TWF1: variants seen among roughly 807,000 people sequenced by gnomAD.
TWF1 encodes twinfilin actin binding protein 1.
A neutral mutation model predicts 47.9 loss-of-function variants in TWF1; 14 were observed. The observed-to-expected ratio is 0.29, with a 90% confidence interval of 0.19 to 0.46. The LOEUF (loss-of-function observed/expected upper bound fraction) is 0.46, where lower values mean the gene tolerates loss of function less well. Among genes scored for constraint, TWF1 ranks in the 20% least tolerant of loss-of-function variants. The pLI, the probability that TWF1 is intolerant of heterozygous loss-of-function variation, is 1.00. For synonymous variants in TWF1, 96 were observed against 139.2 expected (o/e 0.69, Z 2.18); for missense variants, 281 against 409.3 (o/e 0.69, Z 2.70).
intron 2 of TWF1, among the ~76,000 whole-genome samples, chr12:43,803,325 T>C (rs928972561): frequency 1.3e-5 from 2 of 152,126 alleles, no homozygotes; most frequent in Admixed American, 6.5e-5. Context: ...GAACTCCCAA[T>C]TGTAGTTGCC....
chr12:43,797,076 C>G lies in TWF1; in HGVS notation c.782G>C (p.Gly261Ala), dbSNP rs749682782. 1.3e-6 allele frequency: 2 copies of G among 1,599,556 alleles called. No individual in the cohort carries two copies. Among genetic ancestry groups the G allele is most frequent in the East Asian group, 4.5e-5 (2 of 44,728 alleles). The change falls in exon 8 of 9, where the codon GGA becomes GCA. Residue 261 changes from glycine (G) to alanine (A), a missense_variant. By Grantham distance (60) the Gly-to-Ala change is moderately conservative (BLOSUM62 0). Coordinates refer to ENST00000395510, the MANE Select transcript of TWF1 (RefSeq NM_002822.5). ...CCGCTCTCTTATACTGCATGTGTAT[C>G]CAGGCATTGAATAAATAAAAACTGT... ...ESIVFIYSMP[G>A]YTCSIRERML...
intron 2 of TWF1, among the ~76,000 whole-genome samples, chr12:43,803,450 A>C (rs1942699359): frequency 1.3e-5 from 2 of 152,156 alleles, no homozygotes; most frequent in Non-Finnish European, 1.5e-5. Context: ...GCAGTTATTA[A>C]TAAAGGGGAG....
chr12:43,805,902 G>A, intron 1 of TWF1: 1 of 1,482,086 alleles, frequency 6.7e-7, no homozygotes, highest in Non-Finnish European at 9.0e-7. Flanking sequence ...GACCAAAAGG[G>A]GGAAAGTTGG....
Position 43,794,157 on chromosome 12 carries a change from G to A in TWF1, c.*1428C>T, listed in dbSNP as rs1164575620. On this transcript the variant is annotated 3_prime_UTR_variant, in exon 9 of 9. Coordinates refer to ENST00000395510, the MANE Select transcript of TWF1 (RefSeq NM_002822.5). ...CAATAATTTGGGTGTATGTGTGTCTGTCTACGTGTACACCCATGGAACAAC... is the reference window on the plus strand; with the variant it reads ...CAATAATTTGGGTGTATGTGTGTCTATCTACGTGTACACCCATGGAACAAC... 6.6e-6 allele frequency: 1 copy of A among 152,566 alleles called. No individual in the cohort carries two copies. Among genetic ancestry groups the A allele is most frequent in the Non-Finnish European group, 1.5e-5 (1 of 68,016 alleles). The allele number at this position is 152,566 out of a possible 1,614,324, so 9.5% of individuals were successfully genotyped here.
chr12:43,805,987 C>G, intron 1 of TWF1: 1 of 1,537,514 alleles, frequency 6.5e-7, no homozygotes, highest in Non-Finnish European at 8.7e-7. Flanking sequence ...TTCGCTCCCC[C>G]GAATTTCGGA....
intron 8 of TWF1, 129 bp downstream of exon 8, chr12:43,796,847 T>G (rs2138128746): frequency 1.0e-6 from 1 of 980,246 alleles, no homozygotes; most frequent in Non-Finnish European, 1.5e-6. Flanking sequence ...TTAGAGGAGA[T>G]CCTAAGGATT....
In TWF1 at chr12:43,802,459, G is replaced by A; in HGVS notation, c.109C>T (p.Leu37Phe). The A allele has an allele frequency of 6.2e-7, 1 of 1,601,460 alleles. No individual in the cohort carries two copies. Among genetic ancestry groups the A allele is most frequent in the Non-Finnish European group, 8.5e-7 (1 of 1,175,858 alleles). The change falls in exon 3 of 9, where the codon CTT becomes TTT. Residue 37 changes from leucine to phenylalanine, a missense_variant. By Grantham distance (22) the Leu-to-Phe change is conservative (BLOSUM62 0). Transcript: ENST00000395510. ...LLKISIENEQ[L>F]VIGSYSQPSD... ...GGCTGACTATATGATCCAATCACAA[G>A]TTGCTCTATGAAAAATTATTTTTAG...
chr12:43,798,717 T>G, intron 5 of TWF1: 1 of 1,016,330 alleles, frequency 9.8e-7, no homozygotes, highest in East Asian at 2.7e-5. Flanking sequence ...TTAAATGATA[T>G]TCAACCATTC....
At chr12:43,805,887 T>A in intron 1 of TWF1, 1 of 1,457,550 alleles carries the variant, frequency 6.9e-7, no homozygotes, top group Non-Finnish European at 9.2e-7. Flanking sequence ...AGCTCTTCCC[T>A]ACGTGACCAA....
chr12:43,799,433 C>A lies in TWF1; in HGVS notation c.448G>T (p.Ala150Ser). Residue 150 changes from alanine to serine, a missense_variant, in exon 5 of 9, where the codon GCT (alanine) becomes TCT (serine). Ala to Ser is a moderately conservative substitution (Grantham distance 99). Coordinates refer to ENST00000395510, the MANE Select transcript of TWF1 (RefSeq NM_002822.5). ...SQSSPAPLTA[A>S]EEELRQIKIN... Reference sequence around the variant, plus strand: ...TTAATCTGTCGTAGTTCTTCCTCAGCTGCAGTCAGTGGGGCAGGGGAAGAT... The same window carrying A: ...TTAATCTGTCGTAGTTCTTCCTCAGATGCAGTCAGTGGGGCAGGGGAAGAT... 6.2e-7 allele frequency: 1 copy of A among 1,610,018 alleles called. No homozygotes were observed. The highest frequency in any genetic ancestry group is 1.7e-5 in the Admixed American group (1 of 59,830).
chr12:43,798,423 T>C (rs1942595449), intron 5 of TWF1: 3 of 694,778 alleles, frequency 4.3e-6, no homozygotes, highest in Non-Finnish European at 6.5e-6. Flanking sequence ...ACTTGATAAA[T>C]GATAGCTAGT....
rs1942721987 is a variant in TWF1, at chr12:43,804,541, T to C, written c.57A>G (p.Arg19=). The C allele has an allele frequency of 6.2e-7, 1 of 1,603,886 alleles. No individual in the cohort carries two copies. The highest frequency in any genetic ancestry group is 8.5e-7 in the Non-Finnish European group (1 of 1,176,394). The stretch of plus-strand genomic sequence containing the variant: ...GAAGTCTGTACTTTCCATTTCTGGC[T>C]CTGGCAAAGATCTCTTTAACATCTT... ...ASEDVKEIFA[R]ARNGKYRLLK... The change falls in exon 2 of 9, where the codon AGA becomes AGG. Residue 19 remains arginine (R), a synonymous_variant. Transcript: ENST00000395510.
rs1942771436 is a variant in TWF1, at chr12:43,806,273, G to A, written c.-28C>T. The A allele has an allele frequency of 1.3e-6, 2 of 1,513,782 alleles. No individual in the cohort carries two copies. Among genetic ancestry groups the A allele is most frequent in the East Asian group, 2.7e-5 (1 of 37,020 alleles). The allele number at this position is 1,513,782 out of a possible 1,614,324, so 93.8% of individuals were successfully genotyped here. Reference sequence around the variant, plus strand: ...CGGCGGCCGCTAGCTCCCGGCTCCGGCGCTGAGTGCAGCCAGCGGCCCCGG... The same window carrying A: ...CGGCGGCCGCTAGCTCCCGGCTCCGACGCTGAGTGCAGCCAGCGGCCCCGG... On this transcript the variant is annotated 5_prime_UTR_variant, in exon 1 of 9. Transcript: ENST00000395510.
intron 4 of TWF1, 44 bp downstream of exon 4, chr12:43,800,391 T>C (rs1942637221): frequency 6.9e-7 from 1 of 1,454,172 alleles, no homozygotes; most frequent in Admixed American, 1.8e-5. Context: ...TCCTCTTTAA[T>C]CATTTTAATT....
At chr12:43,806,046 G>A (rs1300742308) in intron 1 of TWF1, 175 bp downstream of exon 1, 1 of 1,519,356 alleles carries the variant, frequency 6.6e-7, no homozygotes, top group East Asian at 2.5e-5. Flanking sequence ...GGAGGACGCA[G>A]GCCGGCAGCG....
In TWF1 at chr12:43,799,282, T is replaced by C. The variant is rs1942615000; in HGVS notation, c.483+116A>G. 4 of 621,350 alleles carry C rather than the reference T, an allele frequency of 6.4e-6. No individual in the cohort carries two copies. The South Asian group carries it at 9.2e-5, about 14-fold the overall frequency. The allele number at this position is 621,350 out of a possible 1,614,324, so 38.5% of individuals were successfully genotyped here. On this transcript the variant is annotated intron_variant, in intron 5 of 8. Coordinates refer to ENST00000395510, the MANE Select transcript of TWF1 (RefSeq NM_002822.5). Reference sequence around the variant, plus strand: ...AGCCTTATCTCTAAACTAAACGGAATAAACCTAAGCTACCTAACTTCTTTA... The same window carrying C: ...AGCCTTATCTCTAAACTAAACGGAACAAACCTAAGCTACCTAACTTCTTTA...
chr12:43,795,693 C>A lies in TWF1; in HGVS notation c.945G>T (p.Lys315Asn), dbSNP rs771543457. 42 of 1,613,748 alleles carry A rather than the reference C, an allele frequency of 2.6e-5. No homozygotes were observed. Among genetic ancestry groups the A allele is most frequent in the Non-Finnish European group, 3.3e-5 (39 of 1,179,888 alleles). ...CAAAACTTTGCTTGTGTGCATGCTG[C>A]TTGGGATGTACTTCTTCATAAAGGA... is the stretch of plus-strand genomic sequence containing the variant. ...ADFLYEEVHP[K>N]QHAHKQSFAK... Residue 315 changes from lysine (K) to asparagine (N), a missense_variant, in exon 9 of 9, where the codon AAG becomes AAT. Physicochemically the swap from Lys to Asn is moderately conservative, Grantham distance 94 (BLOSUM62 0). Transcript: ENST00000395510.
rs1266812352 is a variant in TWF1, at chr12:43,794,854, A to C, written c.*731T>G. On this transcript the variant is annotated 3_prime_UTR_variant, in exon 9 of 9. Coordinates refer to ENST00000395510, the MANE Select transcript of TWF1 (RefSeq NM_002822.5). ...AACATTTTTTGTTTCCTTTTGAATG[A>C]TATTAATTTAAATTTCAATCTGAAC... 1 of 152,050 alleles carries C rather than the reference A, an allele frequency of 6.6e-6. No individual in the cohort carries two copies. Among genetic ancestry groups the C allele is most frequent in the Admixed American group, 6.6e-5 (1 of 15,254 alleles). 9.4% of individuals were successfully genotyped at this position (152,050 alleles called of 1,614,324 possible).
chr12:43,799,233 T>A (rs1253038160), intron 5 of TWF1, among the ~76,000 whole-genome samples, 165 bp downstream of exon 5: 1 of 152,132 alleles, frequency 6.6e-6, no homozygotes, highest in Non-Finnish European at 1.5e-5. Flanking sequence ...TAACTTTTTT[T>A]TTCTGAAAAG....
Sources: allele counts gnomAD v4.1 joint callset (sites outside exome capture counted in the v4.1 genomes callset), GRCh38; gene constraint gnomAD v4.1.1; transcripts MANE v1.5; gene names NCBI Gene and HGNC (gene_info 2026-07-23, HGNC 2026-07-21).